CNGB3: variants seen among roughly 807,000 people sequenced by gnomAD.
The protein encoded by CNGB3 is cyclic nucleotide gated channel subunit beta 3.
Under a neutral mutation model 92.8 loss-of-function variants are expected in CNGB3, and 86 were observed. The observed-to-expected ratio is 0.93, with a 90% confidence interval of 0.78 to 1.11. The LOEUF (loss-of-function observed/expected upper bound fraction) is 1.11. Ranked by LOEUF, CNGB3 falls within the 50% of genes least tolerant of loss-of-function variation. CNGB3 has a pLI of 0.00. For missense variants in CNGB3, 1,026 were observed against 956.8 expected, an observed-to-expected ratio of 1.07 and a Z score of -0.95; for synonymous variants, 333 against 332.7, an observed-to-expected ratio of 1.00 and a Z score of -0.01.
intron 7 of CNGB3, among the ~76,000 whole-genome samples, chr8:86,651,762 T>G (rs1823408673): frequency 6.6e-6 from 1 of 151,934 alleles, no homozygotes; most frequent in South Asian, 2.1e-4. Context: ...TGACCAACAC[T>G]AAACCCTGTG....
intron 1 of CNGB3, among the ~76,000 whole-genome samples, chr8:86,739,943 G>C (rs531712330): frequency 1.3e-5 from 2 of 152,182 alleles, no homozygotes; most frequent in East Asian, 3.9e-4. Context: ...GCTGCCCTCT[G>C]GTTTTTTCAG....
intron 6 of CNGB3, among the ~76,000 whole-genome samples, chr8:86,657,028 A>G (rs1388923429): frequency 6.6e-6 from 1 of 152,152 alleles, no homozygotes; most frequent in East Asian, 1.9e-4. Flanking sequence ...CCTGGTCTAC[A>G]TTTAGCCCCA....
intron 3 of CNGB3, among the ~76,000 whole-genome samples, chr8:86,694,558 G>A (rs1482408413): frequency 2.0e-5 from 3 of 151,342 alleles, no homozygotes; most frequent in African/African-American, 7.3e-5. Context: ...TGGTTGCCAG[G>A]CATAGGGTCT....
At position 86,737,059 on chromosome 8, in the gene CNGB3, T is replaced by C. The variant is rs149403898; in HGVS notation, c.211+2596A>G. ...CAATGCTGATTTTCTATTTGGAAGATACTGTTTTCCATCTTTGTGGCAGAG... is the reference window on the plus strand; with the variant it reads ...CAATGCTGATTTTCTATTTGGAAGACACTGTTTTCCATCTTTGTGGCAGAG... On this transcript the variant is annotated intron_variant, in intron 2 of 17. Transcript: ENST00000320005. Among the ~76,000 whole-genome samples the C allele has an allele frequency of 7.2e-5, 11 of 152,310 alleles. No individual in the cohort carries two copies. The South Asian group carries it at 1.0e-3, about 14-fold the overall frequency.
chr8:86,627,788 G>T (rs190325684), intron 12 of CNGB3, among the ~76,000 whole-genome samples: 2 of 152,268 alleles, frequency 1.3e-5, no homozygotes, highest in East Asian at 1.9e-4. Context: ...TGGCCTGAAA[G>T]GTTGCTGCTT....
chr8:86,696,601 G>C (rs1266539371), intron 3 of CNGB3, among the ~76,000 whole-genome samples: 2 of 152,128 alleles, frequency 1.3e-5, no homozygotes, highest in Non-Finnish European at 2.9e-5. Context: ...TGTTAGTCCT[G>C]TCTTCTATCC....
chr8:86,681,402 C>T (rs1446065155), intron 3 of CNGB3, among the ~76,000 whole-genome samples: 2 of 152,066 alleles, frequency 1.3e-5, no homozygotes, highest in Non-Finnish European at 2.9e-5. Flanking sequence ...TAGCACAGGA[C>T]AACAGGTGTA....
chr8:86,689,897 CT>C, intron 3 of CNGB3, among the ~76,000 whole-genome samples: 1 of 152,236 alleles, frequency 6.6e-6, no homozygotes, highest in East Asian at 1.9e-4. Flanking sequence ...TGAACTCATC[CT>C]TTTTTATGGC....
chr8:86,692,702 G>A (rs780077409), intron 3 of CNGB3, among the ~76,000 whole-genome samples: 69 of 152,094 alleles, frequency 4.5e-4, no homozygotes, highest in African/African-American at 1.6e-3. Context: ...TCTTTTAAGC[G>A]GAGCATTTAG....
At chr8:86,580,460 T>G (rs549613256) in intron 15 of CNGB3, among the ~76,000 whole-genome samples, 7 of 152,334 alleles carry the variant, frequency 4.6e-5, no homozygotes, top group Admixed American at 1.3e-4. Context: ...CAGCACTTCA[T>G]GATGCCCTGG....
chr8:86,737,270 G>A (rs939731242), intron 2 of CNGB3, among the ~76,000 whole-genome samples: 7 of 152,100 alleles, frequency 4.6e-5, no homozygotes, highest in African/African-American at 1.7e-4. Flanking sequence ...AGTAGGTAGA[G>A]AGTAGATTGT....
intron 3 of CNGB3, among the ~76,000 whole-genome samples, chr8:86,695,870 C>T (rs542146297): frequency 1.3e-5 from 2 of 152,212 alleles, no homozygotes; most frequent in African/African-American, 2.4e-5. Flanking sequence ...CCCTTCTCTT[C>T]GAGATGGGGC....
At position 86,698,156 on chromosome 8, in the gene CNGB3, T is replaced by G. The variant is rs531166857; in HGVS notation, c.339-27058A>C. On this transcript the variant is annotated intron_variant, in intron 3 of 17. Coordinates refer to ENST00000320005, the MANE Select transcript of CNGB3 (RefSeq NM_019098.5). ...GCTGTGTGACCGATAGTTTCCAGAT[T>G]CTATATCATATCCCTCTTTGAAAAT... 7.9e-5 allele frequency among the ~76,000 whole-genome samples: 12 copies of G among 152,352 alleles called. No homozygotes were observed. The South Asian group carries it at 2.5e-3, about 32-fold the overall frequency.
intron 3 of CNGB3, among the ~76,000 whole-genome samples, chr8:86,694,377 CG>C: frequency 6.8e-6 from 1 of 147,412 alleles, no homozygotes. Context: ...CCCTCCCGGA[CG>C]GGGTGGCTGG....
rs1213967664 is a variant in CNGB3, at chr8:86,589,223, C to G, written c.1782-9971G>C. ...TTTTTATTGTGTCTATTTGATTCTTCTCTCTTTTTTTCTTTATTAGTCTTG... is the reference window on the plus strand; with the variant it reads ...TTTTTATTGTGTCTATTTGATTCTTGTCTCTTTTTTTCTTTATTAGTCTTG... On this transcript the variant is annotated intron_variant, in intron 15 of 17. Coordinates refer to ENST00000320005, the MANE Select transcript of CNGB3 (RefSeq NM_019098.5). Among the ~76,000 whole-genome samples the G allele has an allele frequency of 3.5e-3, 522 of 150,430 alleles. 2 individuals are homozygous for G. Among genetic ancestry groups the G allele is most frequent in the African/African-American group, 0.012 (498 of 40,738 alleles).
At position 86,689,306 on chromosome 8, in the gene CNGB3, T is replaced by A. The variant is rs141547434; in HGVS notation, c.339-18208A>T. Among the ~76,000 whole-genome samples the A allele has an allele frequency of 2.6e-3, 399 of 152,088 alleles. 3 individuals are homozygous for A. The highest frequency in any genetic ancestry group is 9.2e-3 in the African/African-American group (381 of 41,558). Reference sequence around the variant, plus strand: ...TTCATTAGTTCTGTTTGGTCTGTAGTGCAGATTAAGTCCAATGTTTCTTTG... The same window carrying A: ...TTCATTAGTTCTGTTTGGTCTGTAGAGCAGATTAAGTCCAATGTTTCTTTG... On this transcript the variant is annotated intron_variant, in intron 3 of 17. Transcript: ENST00000320005.
chr8:86,688,135 T>C (rs1824224565), intron 3 of CNGB3, among the ~76,000 whole-genome samples: 1 of 152,016 alleles, frequency 6.6e-6, no homozygotes, highest in African/African-American at 2.4e-5. Context: ...AGTTTGGATC[T>C]TATGGGAGCT....
At chr8:86,667,639 C>T (rs761054212) in intron 5 of CNGB3, among the ~76,000 whole-genome samples, 2 of 152,184 alleles carry the variant, frequency 1.3e-5, no homozygotes, top group Non-Finnish European at 2.9e-5. Context: ...CCCTTCTCTG[C>T]CTCTGGGAGG....
At chr8:86,636,384 CAA>C (rs1823071687) in intron 10 of CNGB3, among the ~76,000 whole-genome samples, 1 of 151,532 alleles carries the variant, frequency 6.6e-6, no homozygotes, top group South Asian at 2.1e-4. Context: ...CCAGTCTGGC[CAA>C]CATGGTGAAA....
Sources: gnomAD v4.1 joint callset for allele counts (sites outside exome capture counted in the v4.1 genomes callset) on GRCh38, gnomAD v4.1.1 for gene constraint, MANE v1.5 for transcripts, NCBI Gene and HGNC (gene_info 2026-07-23, HGNC 2026-07-21) for gene names.